Variants in DNAI7 observed in about 807,000 individuals in gnomAD.
The protein encoded by DNAI7 is dynein axonemal intermediate chain 7.
DNAI7 carries 78 observed loss-of-function variants against 86.6 expected under a neutral mutation model. That is an observed-to-expected ratio of 0.90 (90% confidence interval 0.75 to 1.09). DNAI7 has a LOEUF of 1.09. Ranked by LOEUF, DNAI7 falls within the 50% of genes least tolerant of loss-of-function variation. DNAI7 has a pLI of 0.00. For missense variants in DNAI7, 753 were observed against 810.2 expected, an observed-to-expected ratio of 0.93 and a Z score of 0.86; for synonymous variants, 274 against 273.0, an observed-to-expected ratio of 1.00 and a Z score of -0.04.
At chr12:25,164,594 C>T (rs184709307) in intron 2 of DNAI7, among the ~76,000 whole-genome samples, 8 of 152,240 alleles carry the variant, frequency 5.3e-5, no homozygotes, top group African/African-American at 1.9e-4. Flanking sequence ...TCCTACAAGA[C>T]CTAAATAATT....
intron 13 of DNAI7, among the ~76,000 whole-genome samples, chr12:25,113,111 C>A (rs907369488): frequency 1.3e-5 from 2 of 152,192 alleles, no homozygotes; most frequent in Non-Finnish European, 2.9e-5. Context: ...TCCAGCAATA[C>A]AATCCCCTTA....
chr12:25,174,166 G>A (rs891246554), intron 2 of DNAI7, among the ~76,000 whole-genome samples: 4 of 147,578 alleles, frequency 2.7e-5, no homozygotes, highest in South Asian at 2.1e-4. Flanking sequence ...TGAGTTTGTT[G>A]CAGATTCTGG....
At chr12:25,142,508 A>AAACT (rs1439573917) in intron 9 of DNAI7, among the ~76,000 whole-genome samples, 1 of 143,826 alleles carries the variant, frequency 7.0e-6, no homozygotes, top group Non-Finnish European at 1.5e-5. Context: ...AAAAAAAACA[A>AAACT]AACTACTGCC....
chr12:25,116,556 A>C (rs1049761584), intron 12 of DNAI7, among the ~76,000 whole-genome samples: 3 of 152,006 alleles, frequency 2.0e-5, no homozygotes, highest in African/African-American at 7.2e-5. Flanking sequence ...CTGGAGTAAA[A>C]TGGTGCGATC....
intron 2 of DNAI7, among the ~76,000 whole-genome samples, chr12:25,163,480 TACGC>T (rs1947070169): frequency 6.6e-6 from 1 of 152,172 alleles, no homozygotes; most frequent in Non-Finnish European, 1.5e-5. Context: ...TTCCTTTACC[TACGC>T]AAATCTTATA....
chr12:25,107,067 A>G, downstream of DNAI7: 1 of 1,403,290 alleles, frequency 7.1e-7, no homozygotes, highest in Non-Finnish European at 1.0e-6. Context: ...TATCTACTTG[A>G]TAAATTCTAC....
At chr12:25,144,755 G>T in intron 8 of DNAI7, 78 bp from the exon 9 acceptor site, 1 of 1,074,492 alleles carries the variant, frequency 9.3e-7, no homozygotes, top group Non-Finnish European at 1.3e-6. Flanking sequence ...TACCTAAGCA[G>T]TATTTCTCTT....
rs573539624 is a variant in DNAI7, at chr12:25,149,146, A to AAT, written c.585+480_585+481dup. The stretch of plus-strand genomic sequence containing the variant: ...GACAACAGGCAAACCATGCTTGGCT[A>AAT]ATATATATATTAGGATGAGGTCTCC... On this transcript the variant is annotated intron_variant, in intron 7 of 15. Coordinates refer to ENST00000395987, the MANE Select transcript of DNAI7 (RefSeq NM_018272.5). 3.9e-5 allele frequency among the ~76,000 whole-genome samples: 6 copies of AAT among 152,168 alleles called. No individual in the cohort carries two copies. In the East Asian group the frequency reaches 9.6e-4, roughly 24 times the overall value.
chr12:25,188,673 CAAA>C (rs71065918), intron 2 of DNAI7, among the ~76,000 whole-genome samples: 27 of 130,224 alleles, frequency 2.1e-4, no homozygotes, highest in Middle Eastern at 7.6e-3. Context: ...GACTCTGTCT[CAAA>C]AAAAAAAAAA....
In DNAI7 at chr12:25,114,803, G is replaced by C. The variant is rs530287639; in HGVS notation, c.1464C>G (p.Phe488Leu). ...SYKPKERLVT[F>L]SLDTFGPVTL... ...TAACAGGGCCAAAGGTGTCCAGGCT[G>C]AATGTTACAAGTCTTTCTTTTGGTT... is the stretch of plus-strand genomic sequence containing the variant. The change falls in exon 13 of 16, where the codon TTC becomes TTG. Residue 488 changes from phenylalanine (F) to leucine (L), a missense_variant. Transcript: ENST00000395987. The C allele has an allele frequency of 6.2e-7, 1 of 1,614,072 alleles. No homozygotes were observed. The highest frequency in any genetic ancestry group is 1.3e-5 in the African/African-American group (1 of 75,042).
At chr12:25,175,003 G>A (rs1172162273) in intron 2 of DNAI7, among the ~76,000 whole-genome samples, 3 of 151,656 alleles carry the variant, frequency 2.0e-5, no homozygotes, top group East Asian at 1.9e-4. Context: ...CTACAAATAC[G>A]GTGCAGTGTA....
Position 25,111,884 on chromosome 12 carries a change from A to G in DNAI7, c.1667T>C (p.Ile556Thr). ...AGGAGTCATCCAGGTTCCTTCCAAA[A>G]TAGAGATGTGTTTCTTGTCTTTTAG... ...IKLKDKKHIS[I>T]LEGTWMTPIP... The change falls in exon 14 of 16, where the codon ATT becomes ACT. Residue 556 changes from isoleucine (I) to threonine (T), a missense_variant. Coordinates refer to ENST00000395987, the MANE Select transcript of DNAI7 (RefSeq NM_018272.5). 1 of 1,607,210 alleles carries G rather than the reference A, an allele frequency of 6.2e-7. No homozygotes were observed. The highest frequency in any genetic ancestry group is 8.5e-7 in the Non-Finnish European group (1 of 1,176,474).
chr12:25,149,136 A>G (rs1253569368), intron 7 of DNAI7, among the ~76,000 whole-genome samples: 1 of 152,090 alleles, frequency 6.6e-6, no homozygotes, highest in Non-Finnish European at 1.5e-5. Flanking sequence ...CAGGCAAACC[A>G]TGCTTGGCTA....
chr12:25,181,945 C>T lies in DNAI7; in HGVS notation c.21+8669G>A, dbSNP rs550678090. ...AAATTAGTTCAACCCCTATTGAAAA[C>T]AATATGAAGATTTATTAAAGAATTT... On this transcript the variant is annotated intron_variant, in intron 2 of 15. Coordinates refer to ENST00000395987, the MANE Select transcript of DNAI7 (RefSeq NM_018272.5). 3.3e-5 allele frequency among the ~76,000 whole-genome samples: 5 copies of T among 151,850 alleles called. 1 individual carries two copies. The highest frequency in any genetic ancestry group is 1.2e-4 in the African/African-American group (5 of 41,410).
At chr12:25,119,666 C>T (rs1460195498) in intron 11 of DNAI7, among the ~76,000 whole-genome samples, 1 of 152,004 alleles carries the variant, frequency 6.6e-6, no homozygotes, top group Non-Finnish European at 1.5e-5. Flanking sequence ...ACTCAAAAAC[C>T]GGTGTATGGG....
intron 2 of DNAI7, among the ~76,000 whole-genome samples, chr12:25,184,489 G>A (rs1184853244): frequency 6.6e-6 from 1 of 152,102 alleles, no homozygotes; most frequent in Non-Finnish European, 1.5e-5. Flanking sequence ...CCAATGCATA[G>A]ATATACCAAA....
intron 6 of DNAI7, among the ~76,000 whole-genome samples, chr12:25,152,038 T>C (rs7299464): frequency 0.68 from 104,127 of 152,118 alleles, 39,685 homozygotes; most frequent in East Asian, 0.99. Flanking sequence ...TCTATTATCA[T>C]ATAAGTGTGT....
chr12:25,141,301 A>G (rs1944158731), intron 9 of DNAI7, among the ~76,000 whole-genome samples: 1 of 152,160 alleles, frequency 6.6e-6, no homozygotes, highest in Non-Finnish European at 1.5e-5. Flanking sequence ...ATCTTCACAA[A>G]CTATGCACCT....
intron 2 of DNAI7, among the ~76,000 whole-genome samples, chr12:25,179,098 A>T (rs1456594542): frequency 6.6e-6 from 1 of 152,126 alleles, no homozygotes; most frequent in Non-Finnish European, 1.5e-5. Flanking sequence ...CTTAACAATA[A>T]GTTTAAAATA....
Sources: gnomAD v4.1 joint callset for allele counts (sites outside exome capture counted in the v4.1 genomes callset) on GRCh38, gnomAD v4.1.1 for gene constraint, MANE v1.5 for transcripts, NCBI Gene and HGNC (gene_info 2026-07-23, HGNC 2026-07-21) for gene names.